Variants in GPC5 observed in about 807,000 individuals in gnomAD.
The protein encoded by GPC5 is glypican-5.
Under a neutral mutation model 53.9 loss-of-function variants are expected in GPC5, and 47 were observed. The observed-to-expected ratio is 0.87, with a 90% CI of 0.69 to 1.11. The LOEUF is 1.11. Ranked by LOEUF, GPC5 falls within the 50% of genes most tolerant of loss-of-function variation. The pLI is 0.00. For missense variants in GPC5, 748 were observed against 713.1 expected (o/e 1.05, Z -0.56); for synonymous variants, 286 against 263.3 (o/e 1.09, Z -0.84).
chr13:91,654,103 A>G (rs913860571), intron 2 of GPC5, among the ~76,000 whole-genome samples: 1 of 152,166 alleles, frequency 6.6e-6, no homozygotes, highest in African/African-American at 2.4e-5. Context: ...CATAGATTTC[A>G]GTTGGATATT....
chr13:92,665,611 T>G (rs1302249353), intron 7 of GPC5, among the ~76,000 whole-genome samples: 1 of 152,168 alleles, frequency 6.6e-6, no homozygotes, highest in Non-Finnish European at 1.5e-5. Flanking sequence ...GACACTAAAG[T>G]TTCACTGTAT....
At chr13:91,891,369 G>A (rs2039384140) in intron 5 of GPC5, among the ~76,000 whole-genome samples, 2 of 152,062 alleles carry the variant, frequency 1.3e-5, no homozygotes, top group African/African-American at 4.8e-5. Flanking sequence ...TGTAAGGCTG[G>A]GAACCTTTGA....
chr13:91,758,562 T>C (rs1485024827), intron 5 of GPC5, among the ~76,000 whole-genome samples: 2 of 152,152 alleles, frequency 1.3e-5, no homozygotes, highest in Non-Finnish European at 1.5e-5. Flanking sequence ...TTTAGAGTGA[T>C]AGTATTTTCA....
chr13:92,575,356 T>C (rs1160357499), intron 7 of GPC5, among the ~76,000 whole-genome samples: 1 of 152,076 alleles, frequency 6.6e-6, no homozygotes, highest in East Asian at 1.9e-4. Context: ...CACAGACACA[T>C]TGGGGAAAAG....
intron 7 of GPC5, among the ~76,000 whole-genome samples, chr13:92,616,416 G>C (rs1382247341): frequency 6.6e-6 from 1 of 152,180 alleles, no homozygotes; most frequent in Non-Finnish European, 1.5e-5. Context: ...GTAATAAAGT[G>C]TGGAAAAGTC....
At chr13:92,599,100 T>C (rs1234055655) in intron 7 of GPC5, among the ~76,000 whole-genome samples, 1 of 152,206 alleles carries the variant, frequency 6.6e-6, no homozygotes. Flanking sequence ...CAAATTTTCA[T>C]TGTGAGTTGT....
At chr13:91,810,206 G>T (rs2038288107) in intron 5 of GPC5, among the ~76,000 whole-genome samples, 1 of 151,862 alleles carries the variant, frequency 6.6e-6, no homozygotes, top group Non-Finnish European at 1.5e-5. Context: ...CAGGCCCTAA[G>T]ATGTCATTTT....
At chr13:91,757,794 C>T (rs891887469) in intron 5 of GPC5, among the ~76,000 whole-genome samples, 1 of 152,160 alleles carries the variant, frequency 6.6e-6, no homozygotes, top group Non-Finnish European at 1.5e-5. Context: ...TACAAGTAAA[C>T]CTCCTCTATA....
At chr13:91,926,253 C>G (rs560693131) in intron 6 of GPC5, among the ~76,000 whole-genome samples, 2 of 150,302 alleles carry the variant, frequency 1.3e-5, no homozygotes, top group Admixed American at 1.3e-4. Context: ...CCCAGCTACT[C>G]GGGAGGCTGA....
At chr13:91,546,327 GT>G (rs2030285452) in intron 2 of GPC5, among the ~76,000 whole-genome samples, 1 of 151,960 alleles carries the variant, frequency 6.6e-6, no homozygotes, top group African/African-American at 2.4e-5. Context: ...CTTAAGTCAT[GT>G]TTATGTCTAG....
chr13:92,639,644 C>T (rs1204562932), intron 7 of GPC5, among the ~76,000 whole-genome samples: 1 of 152,152 alleles, frequency 6.6e-6, no homozygotes, highest in Non-Finnish European at 1.5e-5. Context: ...ATTCTTAAAC[C>T]ATTTATTCAA....
chr13:91,766,653 G>A (rs746579388), intron 5 of GPC5, among the ~76,000 whole-genome samples: 1 of 152,166 alleles, frequency 6.6e-6, no homozygotes, highest in Non-Finnish European at 1.5e-5. Flanking sequence ...ACGAGGTCAG[G>A]AGTTCGAGAC....
chr13:92,441,328 C>T (rs1209285208), intron 7 of GPC5, among the ~76,000 whole-genome samples: 1 of 152,210 alleles, frequency 6.6e-6, no homozygotes, highest in Non-Finnish European at 1.5e-5. Context: ...CTGGGCCTCC[C>T]AAAGTGCTGG....
At chr13:91,950,868 C>T (rs908675469) in intron 6 of GPC5, among the ~76,000 whole-genome samples, 40 of 152,098 alleles carry the variant, frequency 2.6e-4, no homozygotes, top group African/African-American at 8.9e-4. Flanking sequence ...AGCTCAAGAT[C>T]GCATACCAGT....
intron 2 of GPC5, among the ~76,000 whole-genome samples, chr13:91,457,127 A>G (rs1172885890): frequency 6.6e-6 from 1 of 152,104 alleles, no homozygotes; most frequent in African/African-American, 2.4e-5. Flanking sequence ...TTGATGTATT[A>G]CATTACTTGC....
At chr13:92,424,648 AT>A (rs59016705) in intron 7 of GPC5, among the ~76,000 whole-genome samples, 43,364 of 148,656 alleles carry the variant, frequency 0.29, 7,182 homozygotes, top group East Asian at 0.61. Flanking sequence ...TGATCTCTGT[AT>A]TTTTTTTTTT....
intron 6 of GPC5, among the ~76,000 whole-genome samples, chr13:92,040,941 C>T (rs1017013981): frequency 6.6e-6 from 1 of 152,176 alleles, no homozygotes; most frequent in African/African-American, 2.4e-5. Context: ...ACCTCCACCT[C>T]CTGGGTTCAA....
At chr13:92,677,796 C>T (rs1886996262) in intron 7 of GPC5, among the ~76,000 whole-genome samples, 3 of 152,190 alleles carry the variant, frequency 2.0e-5, no homozygotes, top group Admixed American at 2.0e-4. Context: ...GCTTTATCTA[C>T]TCACACTGTT....
chr13:91,684,190 A>C (rs1682849097), intron 2 of GPC5, among the ~76,000 whole-genome samples: 1 of 151,792 alleles, frequency 6.6e-6, no homozygotes, highest in African/African-American at 2.4e-5. Context: ...TCTTTTCCCA[A>C]ATTTCTCCAC....
Sources: gnomAD v4.1 joint callset for allele counts (sites outside exome capture counted in the v4.1 genomes callset) on GRCh38, gnomAD v4.1.1 for gene constraint, MANE v1.5 for transcripts, NCBI Gene and HGNC (gene_info 2026-07-23, HGNC 2026-07-21) for gene names.